Variants in TSPAN2 observed in about 807,000 individuals in gnomAD.
The protein encoded by TSPAN2 is tetraspanin-2.
In TSPAN2, 24 loss-of-function variants were observed where a neutral mutation model predicts 33.3. The observed-to-expected ratio is 0.72, with a 90% CI of 0.52 to 1.01. The LOEUF is 1.01. TSPAN2 is among the 50% of genes least tolerant of loss of function. The pLI is 0.00. For missense variants in TSPAN2, 278 were observed against 281.3 expected (o/e 0.99, Z 0.08); for synonymous variants, 114 against 104.5 (o/e 1.09, Z -0.56).
intron 1 of TSPAN2, among the ~76,000 whole-genome samples, chr1:115,079,570 T>C (rs563106661): frequency 6.6e-6 from 1 of 152,320 alleles, no homozygotes; most frequent in Admixed American, 6.5e-5. Flanking sequence ...AGGATTCAGA[T>C]GGCATTTCTT....
chr1:115,075,714 C>T (rs1648378714), intron 1 of TSPAN2, among the ~76,000 whole-genome samples: 1 of 152,182 alleles, frequency 6.6e-6, no homozygotes, highest in Non-Finnish European at 1.5e-5. Flanking sequence ...TTCAAACTCT[C>T]TAATCCTAAA....
intron 1 of TSPAN2, among the ~76,000 whole-genome samples, chr1:115,088,713 C>T (rs1648934906): frequency 6.6e-6 from 1 of 152,138 alleles, no homozygotes; most frequent in Non-Finnish European, 1.5e-5. Flanking sequence ...CTGCTGCTGC[C>T]CTTTAGAAGC....
At chr1:115,062,558 C>T (rs547525049) in intron 2 of TSPAN2, among the ~76,000 whole-genome samples, 1 of 152,294 alleles carries the variant, frequency 6.6e-6, no homozygotes, top group South Asian at 2.1e-4. Flanking sequence ...AGGCAAGCCC[C>T]ACGTACAGTT....
intron 1 of TSPAN2, among the ~76,000 whole-genome samples, chr1:115,084,184 G>A (rs911656218): frequency 6.6e-6 from 1 of 152,246 alleles, no homozygotes; most frequent in Admixed American, 6.5e-5. Context: ...AACTATTACT[G>A]ATATGTTATT....
chr1:115,088,048 G>C (rs1186957866), intron 1 of TSPAN2, among the ~76,000 whole-genome samples: 2 of 152,046 alleles, frequency 1.3e-5, no homozygotes, highest in Non-Finnish European at 2.9e-5. Context: ...CAACATAAAG[G>C]GTCTTCAGAA....
intron 6 of TSPAN2, among the ~76,000 whole-genome samples, chr1:115,054,882 G>A (rs1364127158): frequency 3.9e-5 from 6 of 152,086 alleles, no homozygotes; most frequent in Non-Finnish European, 8.8e-5. Flanking sequence ...AGCTACTAGC[G>A]GGGCTGAGGC....
At chr1:115,076,290 C>T (rs1046087168) in intron 1 of TSPAN2, among the ~76,000 whole-genome samples, 2 of 152,042 alleles carry the variant, frequency 1.3e-5, no homozygotes, top group Non-Finnish European at 2.9e-5. Flanking sequence ...TGGGGGAGGT[C>T]GGAGGTTGGG....
chr1:115,080,638 AGG>A (rs36072857), intron 1 of TSPAN2, among the ~76,000 whole-genome samples: 1 of 152,224 alleles, frequency 6.6e-6, no homozygotes, highest in Non-Finnish European at 1.5e-5. Context: ...TAAGGATTCC[AGG>A]GAGCAGATGG....
intron 2 of TSPAN2, among the ~76,000 whole-genome samples, chr1:115,068,914 C>T (rs992971326): frequency 1.2e-4 from 18 of 152,202 alleles, no homozygotes; most frequent in South Asian, 8.3e-4. Context: ...AGGGCAAGCA[C>T]GGACCTGGCT....
At chr1:115,060,430 A>G (rs1351336594) in intron 4 of TSPAN2, 34 bp downstream of exon 4, 1 of 1,506,324 alleles carries the variant, frequency 6.6e-7, no homozygotes, top group African/African-American at 1.4e-5. Flanking sequence ...ACTTTTAACC[A>G]TCATAGAAAA....
At chr1:115,082,242 C>T (rs548157338) in intron 1 of TSPAN2, among the ~76,000 whole-genome samples, 4 of 152,206 alleles carry the variant, frequency 2.6e-5, no homozygotes, top group South Asian at 2.1e-4. Flanking sequence ...GCATAGTCGC[C>T]GCATTGGACA....
intron 1 of TSPAN2, among the ~76,000 whole-genome samples, chr1:115,082,158 C>T (rs550124919): frequency 6.6e-6 from 1 of 152,316 alleles, no homozygotes; most frequent in Non-Finnish European, 1.5e-5. Context: ...TGAAATGTAG[C>T]TAGTGGGACT....
intron 6 of TSPAN2, among the ~76,000 whole-genome samples, chr1:115,055,528 TA>T (rs1156994704): frequency 2.6e-5 from 4 of 151,412 alleles, no homozygotes; most frequent in East Asian, 3.9e-4. Flanking sequence ...TTATGATGAT[TA>T]TTTTTTTTTT....
chr1:115,050,478 G>C lies in TSPAN2; in HGVS notation c.*12C>G, dbSNP rs967863249. ...GAAAGCTTTAGATTGCAATTTTCAT[G>C]TAGAAGTAGCTTCATATCACATCTC... On this transcript the variant is annotated 3_prime_UTR_variant, in exon 8 of 8. Coordinates refer to ENST00000369516, the MANE Select transcript of TSPAN2 (RefSeq NM_005725.6). The C allele has an allele frequency of 1.2e-6, 2 of 1,612,954 alleles. No homozygotes were observed. Among genetic ancestry groups the C allele is most frequent in the Non-Finnish European group, 8.5e-7 (1 of 1,178,998 alleles).
intron 2 of TSPAN2, among the ~76,000 whole-genome samples, chr1:115,065,466 T>C (rs1268638530): frequency 6.6e-6 from 1 of 152,210 alleles, no homozygotes; most frequent in African/African-American, 2.4e-5. Flanking sequence ...TGCCTTTGAT[T>C]TGAAAAATAG....
chr1:115,063,854 T>C (rs917706351), intron 2 of TSPAN2, among the ~76,000 whole-genome samples: 2 of 152,100 alleles, frequency 1.3e-5, no homozygotes, highest in Non-Finnish European at 1.5e-5. Context: ...GAGCTAAATA[T>C]TGGGTACACA....
chr1:115,071,910 A>G (rs986050414), intron 2 of TSPAN2, among the ~76,000 whole-genome samples: 1 of 152,046 alleles, frequency 6.6e-6, no homozygotes, highest in African/African-American at 2.4e-5. Context: ...TCTCTCATGG[A>G]AGAGACTCTA....
chr1:115,069,336 G>A (rs2101036213), intron 2 of TSPAN2, among the ~76,000 whole-genome samples: 1 of 152,292 alleles, frequency 6.6e-6, no homozygotes, highest in South Asian at 2.1e-4. Context: ...CTCCACGGTG[G>A]GCATGAAGCC....
At chr1:115,064,708 G>A (rs1292469745) in intron 2 of TSPAN2, among the ~76,000 whole-genome samples, 1 of 152,148 alleles carries the variant, frequency 6.6e-6, no homozygotes, top group Non-Finnish European at 1.5e-5. Context: ...ACCCATCTTT[G>A]CTTAGAGATA....
Sources: gnomAD v4.1 joint callset for allele counts (sites outside exome capture counted in the v4.1 genomes callset) on GRCh38, gnomAD v4.1.1 for gene constraint, MANE v1.5 for transcripts, NCBI Gene and HGNC (gene_info 2026-07-23, HGNC 2026-07-21) for gene names.